HDAC9: variants seen among roughly 807,000 people sequenced by gnomAD.
HDAC9 encodes histone deacetylase 9.
In HDAC9, 41 loss-of-function variants were observed where a neutral mutation model predicts 139.4. That is an observed-to-expected ratio of 0.29 (90% CI 0.23 to 0.38). The LOEUF (loss-of-function observed/expected upper bound fraction) is 0.38. HDAC9 is among the 10% of genes least tolerant of loss of function. HDAC9 has a pLI of 1.00. For missense variants in HDAC9, 1,147 were observed against 1,297.0 expected, an observed-to-expected ratio of 0.88 and a Z score of 1.78; for synonymous variants, 517 against 476.2, an observed-to-expected ratio of 1.09 and a Z score of -1.12.
intron 2 of HDAC9, among the ~76,000 whole-genome samples, chr7:18,218,124 C>CAGT (rs1307217184): frequency 6.6e-6 from 1 of 152,144 alleles, no homozygotes; most frequent in African/African-American, 2.4e-5. Flanking sequence ...GTGGAAGCTA[C>CAGT]AATGTCTTTT....
rs548549747 is a variant in HDAC9 at position 18,824,955 on chromosome 7, G to C, written c.2323-4206G>C. Among the ~76,000 whole-genome samples the C allele has an allele frequency of 3.3e-5, 5 of 152,332 alleles. No homozygotes were observed. The East Asian group carries it at 7.7e-4, about 23-fold the overall frequency. On this transcript the variant is annotated intron_variant, in intron 17 of 25. Transcript: ENST00000686413. ...AGGAATTTGTCATGAAATAAAAGGG[G>C]ATGGAGAAAAGATAGGGAGAAGGTG...
At chr7:18,512,884 T>C (rs1224937913) in intron 2 of HDAC9, among the ~76,000 whole-genome samples, 1 of 152,186 alleles carries the variant, frequency 6.6e-6, no homozygotes, top group Non-Finnish European at 1.5e-5. Context: ...GAAGCCTAGA[T>C]GTCAAGTCAT....
chr7:18,729,868 A>C (rs1785888880), intron 13 of HDAC9, among the ~76,000 whole-genome samples: 1 of 152,216 alleles, frequency 6.6e-6, no homozygotes, highest in Non-Finnish European at 1.5e-5. Context: ...GCATTCAATA[A>C]ACATTTTAGT....
intron 16 of HDAC9, among the ~76,000 whole-genome samples, chr7:18,791,967 A>G (rs1462810215): frequency 3.9e-5 from 6 of 152,162 alleles, no homozygotes; most frequent in African/African-American, 1.4e-4. Context: ...AATGTCACTC[A>G]GGTTTTAATG....
At chr7:18,710,867 A>AAT (rs1024795420) in intron 12 of HDAC9, among the ~76,000 whole-genome samples, 7 of 152,240 alleles carry the variant, frequency 4.6e-5, no homozygotes, top group East Asian at 3.9e-4. Context: ...GCCAGTGGGG[A>AAT]ATATATATAT....
chr7:18,457,286 A>T (rs1179459728), intron 1 of HDAC9, among the ~76,000 whole-genome samples: 3 of 152,218 alleles, frequency 2.0e-5, no homozygotes, highest in Non-Finnish European at 4.4e-5. Context: ...TGACAATCCC[A>T]TCAACTTATA....
At chr7:18,964,873 A>G (rs1190912500) in intron 24 of HDAC9, among the ~76,000 whole-genome samples, 2 of 152,312 alleles carry the variant, frequency 1.3e-5, no homozygotes, top group African/African-American at 2.4e-5. Flanking sequence ...GAGGATTACA[A>G]TTCAAGATGA....
intron 22 of HDAC9, among the ~76,000 whole-genome samples, chr7:18,916,194 GA>G (rs1351067903): frequency 6.6e-6 from 1 of 151,954 alleles, no homozygotes; most frequent in Non-Finnish European, 1.5e-5. Context: ...GCGTGAATAT[GA>G]AATGTCAGTC....
rs1480043402 is a variant in HDAC9, at chr7:18,954,141, T to C, written c.2938-5T>C. ...TGCTCATACTATTATCTACTATTCT[T>C]GCAGCTGGAGCCACTTGCAGAAGAT... On this transcript the variant is annotated splice_region_variant and splice_polypyrimidine_tract_variant and intron_variant, in intron 23 of 25. Coordinates refer to ENST00000686413, the MANE Select transcript of HDAC9 (RefSeq NM_178425.4). The C allele has an allele frequency of 6.5e-7, 1 of 1,549,918 alleles. No homozygotes were observed. The highest frequency in any genetic ancestry group is 2.3e-5 in the East Asian group (1 of 42,828).
intron 6 of HDAC9, among the ~76,000 whole-genome samples, chr7:18,626,356 A>G (rs914078572): frequency 6.6e-6 from 1 of 152,194 alleles, no homozygotes; most frequent in Non-Finnish European, 1.5e-5. Flanking sequence ...CCCAAGTGAA[A>G]TCCAACCAGC....
chr7:18,745,639 C>T (rs1405571077), intron 13 of HDAC9, among the ~76,000 whole-genome samples: 1 of 148,882 alleles, frequency 6.7e-6, no homozygotes, highest in African/African-American at 2.5e-5. Context: ...CTCCGCCTCC[C>T]GGGTTCACAC....
intron 2 of HDAC9, among the ~76,000 whole-genome samples, chr7:18,554,327 C>CTTTTT (rs34326798): frequency 3.4e-5 from 2 of 58,328 alleles, no homozygotes; most frequent in African/African-American, 7.3e-5. Context: ...TTACAGATCA[C>CTTTTT]TTTTTTTTTT....
intron 2 of HDAC9, among the ~76,000 whole-genome samples, chr7:18,540,137 G>A (rs1457133668): frequency 6.7e-6 from 1 of 149,476 alleles, no homozygotes; most frequent in Non-Finnish European, 1.5e-5. Context: ...GCCAGGAATT[G>A]TGGTGGGTGC....
At chr7:18,887,262 A>G (rs1800241551) in intron 22 of HDAC9, among the ~76,000 whole-genome samples, 1 of 152,154 alleles carries the variant, frequency 6.6e-6, no homozygotes, top group Non-Finnish European at 1.5e-5. Context: ...AGAATTTCTG[A>G]CTTAGTAGGT....
chr7:18,574,150 C>G (rs1245734268), intron 2 of HDAC9, among the ~76,000 whole-genome samples: 1 of 152,216 alleles, frequency 6.6e-6, no homozygotes, highest in East Asian at 1.9e-4. Flanking sequence ...TGACGAGTGT[C>G]CAGCTCTCAG....
chr7:18,453,355 A>T (rs1047267285), intron 1 of HDAC9, among the ~76,000 whole-genome samples: 2 of 152,182 alleles, frequency 1.3e-5, no homozygotes, highest in African/African-American at 4.8e-5. Flanking sequence ...TCTGGAGCTA[A>T]AATCCATTTA....
intron 1 of HDAC9, among the ~76,000 whole-genome samples, chr7:18,130,538 T>A (rs1784936328): frequency 6.6e-6 from 1 of 152,112 alleles, no homozygotes; most frequent in Admixed American, 6.6e-5. Context: ...ATCATACAGT[T>A]CAACCATTTA....
intron 12 of HDAC9, among the ~76,000 whole-genome samples, chr7:18,669,289 C>T (rs987495636): frequency 2.6e-5 from 4 of 151,632 alleles, no homozygotes; most frequent in Non-Finnish European, 5.9e-5. Flanking sequence ...TTCCAAGTGT[C>T]GTAATAATTA....
chr7:18,687,844 T>C (rs981981588), intron 12 of HDAC9, among the ~76,000 whole-genome samples: 2 of 151,836 alleles, frequency 1.3e-5, no homozygotes, highest in African/African-American at 4.8e-5. Context: ...CATTGTATAT[T>C]GAGGTGTGGT....
Sources: gnomAD v4.1 joint callset for allele counts (sites outside exome capture counted in the v4.1 genomes callset) on GRCh38, gnomAD v4.1.1 for gene constraint, MANE v1.5 for transcripts, NCBI Gene and HGNC (gene_info 2026-07-23, HGNC 2026-07-21) for gene names.